AP3S2: variants seen among roughly 807,000 people sequenced by gnomAD.
The protein encoded by AP3S2 is adaptor related protein complex 3 subunit sigma 2, also known as AP-3 complex subunit sigma-2.
AP3S2 carries 22 observed loss-of-function variants against 23.4 expected under a neutral mutation model. That is an observed-to-expected ratio of 0.94 (90% CI 0.67 to 1.34). The LOEUF is 1.34. Ranked by LOEUF, AP3S2 falls within the 40% of genes most tolerant of loss-of-function variation. The probability of loss-of-function intolerance (pLI) is 0.00; values close to 1 mark genes in which losing one functional copy is unlikely to be tolerated. For missense variants in AP3S2, 241 were observed against 236.9 expected (o/e 1.02, Z -0.11); for synonymous variants, 86 against 87.1 (o/e 0.99, Z 0.07).
At chr15:89,839,861 T>C (rs79310411) in intron 4 of AP3S2, among the ~76,000 whole-genome samples, 118 of 152,130 alleles carry the variant, frequency 7.8e-4, no homozygotes, top group Admixed American at 5.8e-3. Context: ...TTTTTTTTTT[T>C]CATCTGAATT....
At chr15:89,867,179 C>T (rs1310603639) in intron 4 of AP3S2, among the ~76,000 whole-genome samples, 71 of 149,738 alleles carry the variant, frequency 4.7e-4, no homozygotes, top group Admixed American at 8.6e-4. Flanking sequence ...CGCGCCGCCA[C>T]GCCTGACTGG....
chr15:89,853,533 C>G (rs1339308498), intron 4 of AP3S2, among the ~76,000 whole-genome samples: 2 of 152,158 alleles, frequency 1.3e-5, no homozygotes, highest in Non-Finnish European at 2.9e-5. Context: ...GCTGCCACCC[C>G]GTCTGGGAAG....
chr15:89,889,525 A>C, intron 1 of AP3S2: 1 of 215,712 alleles, frequency 4.6e-6, no homozygotes, highest in East Asian at 1.1e-4. Flanking sequence ...GATATAATAA[A>C]TCTCAACAGG....
intron 3 of AP3S2, chr15:89,884,110 C>T (rs1896637471): frequency 6.5e-6 from 1 of 153,966 alleles, no homozygotes; most frequent in South Asian, 2.0e-4. Flanking sequence ...ATATTCATTT[C>T]TTCAGAAAGT....
chr15:89,888,850 A>T (rs965116735), intron 2 of AP3S2, among the ~76,000 whole-genome samples, 199 bp downstream of exon 2: 1 of 152,182 alleles, frequency 6.6e-6, no homozygotes, highest in Admixed American at 6.5e-5. Context: ...GGGATCAATC[A>T]TCTAAATGAG....
intron 3 of AP3S2, among the ~76,000 whole-genome samples, chr15:89,885,782 A>T (rs1291062000): frequency 6.6e-6 from 1 of 151,908 alleles, no homozygotes; most frequent in African/African-American, 2.4e-5. Context: ...TCTCTAAAAA[A>T]TTCAAAAAAT....
At chr15:89,845,008 C>A (rs542427650) in intron 4 of AP3S2, among the ~76,000 whole-genome samples, 2 of 152,042 alleles carry the variant, frequency 1.3e-5, no homozygotes, top group Non-Finnish European at 2.9e-5. Context: ...CAGGCTCAAG[C>A]GATTCTCTTG....
chr15:89,859,105 G>A (rs776578197), intron 4 of AP3S2, among the ~76,000 whole-genome samples: 5 of 150,356 alleles, frequency 3.3e-5, no homozygotes, highest in South Asian at 2.1e-4. Context: ...TGATCCTCTC[G>A]CCTCAGCCTC....
intron 4 of AP3S2, among the ~76,000 whole-genome samples, chr15:89,868,423 C>T (rs1437131461): frequency 1.2e-3 from 74 of 61,444 alleles, no homozygotes; most frequent in Non-Finnish European, 1.9e-3. Context: ...CCAGCCGCCC[C>T]GTCTGGGAGG....
chr15:89,861,640 A>G (rs1896011683), intron 4 of AP3S2, among the ~76,000 whole-genome samples: 1 of 152,128 alleles, frequency 6.6e-6, no homozygotes, highest in Non-Finnish European at 1.5e-5. Context: ...TCCAGCCTCC[A>G]ACAGTTTAAA....
At chr15:89,888,922 G>T (rs2141903103) in intron 2 of AP3S2, 127 bp downstream of exon 2, 1 of 1,097,382 alleles carries the variant, frequency 9.1e-7, no homozygotes. Flanking sequence ...TCCCTGAGCA[G>T]ATCATGGTGA....
chr15:89,889,008 C>CA (rs922748994), intron 2 of AP3S2, 41 bp downstream of exon 2: 7 of 1,609,344 alleles, frequency 4.3e-6, no homozygotes, highest in Non-Finnish European at 6.0e-6. Flanking sequence ...AGGCCACTCA[C>CA]AAGTGGATAT....
chr15:89,885,610 A>G (rs999910608), intron 3 of AP3S2, among the ~76,000 whole-genome samples: 4 of 152,164 alleles, frequency 2.6e-5, no homozygotes, highest in African/African-American at 9.7e-5. Context: ...TATCTTCTTT[A>G]TATCAATTAG....
chr15:89,835,292 T>C lies in AP3S2; in HGVS notation c.*223A>G. On this transcript the variant is annotated 3_prime_UTR_variant, in exon 6 of 6. Coordinates refer to ENST00000336418, the MANE Select transcript of AP3S2 (RefSeq NM_005829.5). ...CTCACATCTGCAGTGGCCGTATGCA[T>C]CAGAGAACGGCATGACTGCACATGT... is the stretch of plus-strand genomic sequence containing the variant. The C allele has an allele frequency of 1.5e-6, 1 of 683,846 alleles. No homozygotes were observed. The highest frequency in any genetic ancestry group is 2.3e-5 in the South Asian group (1 of 43,082). 42.4% of individuals were successfully genotyped at this position (683,846 alleles called of 1,614,324 possible).
At chr15:89,868,198 C>G (rs1270291709) in intron 4 of AP3S2, among the ~76,000 whole-genome samples, 1 of 57,306 alleles carries the variant, frequency 1.7e-5, no homozygotes, top group Non-Finnish European at 4.1e-5. Context: ...CCAGCTGCCC[C>G]GTCCGGGAGG....
rs1006944185 is a variant in AP3S2 at position 89,893,666 on chromosome 15, G to A, written c.69+215C>T. Reference sequence around the variant, plus strand: ...AATGGCACAGAAATGCCAGGATCAAGAAAAGGGTCAGCGAGAGCGGGGCAG... The same window carrying A: ...AATGGCACAGAAATGCCAGGATCAAAAAAAGGGTCAGCGAGAGCGGGGCAG... On this transcript the variant is annotated intron_variant, in intron 1 of 5. Transcript: ENST00000336418. The A allele has an allele frequency of 4.8e-5, 26 of 546,586 alleles. No homozygotes were observed. In the Middle Eastern group the frequency reaches 2.8e-3, roughly 60 times the overall value. The allele number at this position is 546,586 out of a possible 1,614,324, so 33.9% of individuals were successfully genotyped here.
chr15:89,851,894 C>G (rs1304200043), intron 4 of AP3S2, among the ~76,000 whole-genome samples: 1 of 151,982 alleles, frequency 6.6e-6, no homozygotes, highest in African/African-American at 2.4e-5. Context: ...ACTGCTGATC[C>G]CAAATGCCAA....
chr15:89,876,212 A>T (rs1048107593), intron 3 of AP3S2, among the ~76,000 whole-genome samples: 3 of 152,108 alleles, frequency 2.0e-5, no homozygotes, highest in Non-Finnish European at 4.4e-5. Context: ...GAGATTCAGG[A>T]GTTTGAGACC....
chr15:89,858,801 C>T (rs1023163194), intron 4 of AP3S2, among the ~76,000 whole-genome samples: 1 of 152,158 alleles, frequency 6.6e-6, no homozygotes, highest in Non-Finnish European at 1.5e-5. Flanking sequence ...GGCTGCATAT[C>T]AAATGAATAT....
Sources: allele counts gnomAD v4.1 joint callset (sites outside exome capture counted in the v4.1 genomes callset), GRCh38; gene constraint gnomAD v4.1.1; transcripts MANE v1.5; gene names NCBI Gene and HGNC (gene_info 2026-07-23, HGNC 2026-07-21).